Variants in ADAMTS18 observed in about 807,000 individuals in gnomAD.
ADAMTS18 encodes the protein ADAM metallopeptidase with thrombospondin type 1 motif 18, also known as A disintegrin and metalloproteinase with thrombospondin motifs 18.
ADAMTS18 carries 157 observed loss-of-function variants against 165.9 expected under a neutral mutation model. That is an observed-to-expected ratio of 0.95 (90% CI 0.83 to 1.08). The LOEUF (loss-of-function observed/expected upper bound fraction) is 1.08, where lower values mean the gene tolerates loss of function less well. ADAMTS18 is among the 50% of genes least tolerant of loss of function. The pLI is 0.00. For missense variants in ADAMTS18, 2,040 were observed against 1,534.0 expected, an observed-to-expected ratio of 1.33 and a Z score of -5.51; for synonymous variants, 782 against 578.2, an observed-to-expected ratio of 1.35 and a Z score of -5.06.
chr16:77,306,721 A>G (rs553264412), intron 16 of ADAMTS18, among the ~76,000 whole-genome samples: 1 of 152,328 alleles, frequency 6.6e-6, no homozygotes, highest in Admixed American at 6.5e-5. Flanking sequence ...AGTGCTTATT[A>G]TGTGCCAGGC....
chr16:77,415,446 G>T (rs1008766465), intron 3 of ADAMTS18, among the ~76,000 whole-genome samples: 6 of 152,166 alleles, frequency 3.9e-5, no homozygotes, highest in African/African-American at 1.4e-4. Context: ...CCTACTCTCA[G>T]GGGGCAAGAT....
rs926382835 is a variant in ADAMTS18 at position 77,327,097 on chromosome 16, T to C, written c.1860-1059A>G. On this transcript the variant is annotated intron_variant, in intron 12 of 22. Coordinates refer to ENST00000282849, the MANE Select transcript of ADAMTS18 (RefSeq NM_199355.4). ...CCACATTTCTTTATCCAGTCTGCTG[T>C]TGATGGGCATTCAGGTTGATTCCAT... is the stretch of plus-strand genomic sequence containing the variant. Among the ~76,000 whole-genome samples, 5 of 152,238 alleles carry C rather than the reference T, an allele frequency of 3.3e-5. No individual in the cohort carries two copies. In the South Asian group the frequency reaches 6.2e-4, roughly 19 times the overall value.
At chr16:77,321,049 TTAACAA>T in intron 15 of ADAMTS18, 24 bp downstream of exon 15, 2 of 1,614,096 alleles carry the variant, frequency 1.2e-6, no homozygotes, top group Non-Finnish European at 1.7e-6. Flanking sequence ...TTGTATCTCA[TTAACAA>T]TAACAAACAG....
chr16:77,391,595 G>A lies in ADAMTS18; in HGVS notation c.496-23872C>T, dbSNP rs1567535576. Reference sequence around the variant, plus strand: ...TTCCTAACAGAGTACCAATGGCCAGGAAGAGGGGGAAGAGTCATCCTAATG... The same window carrying A: ...TTCCTAACAGAGTACCAATGGCCAGAAAGAGGGGGAAGAGTCATCCTAATG... On this transcript the variant is annotated intron_variant, in intron 3 of 22. Transcript: ENST00000282849. Among the ~76,000 whole-genome samples, 4 of 152,218 alleles carry A rather than the reference G, an allele frequency of 2.6e-5. No homozygotes were observed. In the South Asian group the frequency reaches 6.2e-4, roughly 24 times the overall value.
At chr16:77,366,142 C>A (rs2056789881) in intron 4 of ADAMTS18, among the ~76,000 whole-genome samples, 1 of 136,422 alleles carries the variant, frequency 7.3e-6, no homozygotes, top group Non-Finnish European at 1.5e-5. Context: ...ATACCAGTTC[C>A]TCTTCTCCAT....
intron 3 of ADAMTS18, among the ~76,000 whole-genome samples, chr16:77,420,583 G>A (rs565726360): frequency 1.3e-5 from 2 of 152,148 alleles, no homozygotes; most frequent in Non-Finnish European, 2.9e-5. Flanking sequence ...ACAGACATTT[G>A]TTGTTTCACA....
At chr16:77,293,797 G>A (rs1452407547) in intron 19 of ADAMTS18, among the ~76,000 whole-genome samples, 1 of 149,062 alleles carries the variant, frequency 6.7e-6, no homozygotes, top group Non-Finnish European at 1.5e-5. Context: ...TCACAACAGG[G>A]TTCAAACTCC....
intron 12 of ADAMTS18, among the ~76,000 whole-genome samples, chr16:77,329,605 G>A (rs917245894): frequency 6.6e-6 from 1 of 152,092 alleles, no homozygotes; most frequent in African/African-American, 2.4e-5. Flanking sequence ...TTTGTATTGA[G>A]TACCCACCCT....
chr16:77,326,100 C>A, intron 12 of ADAMTS18, 62 bp from the exon 13 acceptor site: 1 of 1,503,254 alleles, frequency 6.7e-7, no homozygotes, highest in South Asian at 1.2e-5. Flanking sequence ...TAGTCACATG[C>A]AATAATATGA....
At chr16:77,310,427 T>C (rs1340419424) in intron 16 of ADAMTS18, among the ~76,000 whole-genome samples, 2 of 152,166 alleles carry the variant, frequency 1.3e-5, no homozygotes, top group African/African-American at 4.8e-5. Context: ...ATGAGGAAAC[T>C]GGGACCCTGA....
chr16:77,368,606 G>A (rs545908121), intron 3 of ADAMTS18, among the ~76,000 whole-genome samples: 3 of 151,672 alleles, frequency 2.0e-5, no homozygotes, highest in African/African-American at 2.4e-5. Flanking sequence ...TCAGAAATGC[G>A]GTCTATATTG....
At chr16:77,344,153 G>GTA (rs1427575027) in intron 10 of ADAMTS18, among the ~76,000 whole-genome samples, 10 of 126,442 alleles carry the variant, frequency 7.9e-5, no homozygotes, top group African/African-American at 2.3e-4. Flanking sequence ...GTATGTGTGT[G>GTA]TGTATATATA....
chr16:77,283,911 G>T lies in ADAMTS18; in HGVS notation c.*45C>A. 1.4e-6 allele frequency: 2 copies of T among 1,475,560 alleles called. No homozygotes were observed. The highest frequency in any genetic ancestry group is 1.9e-6 in the Non-Finnish European group (2 of 1,054,752). 91.4% of individuals were successfully genotyped at this position (1,475,560 alleles called of 1,614,324 possible). On this transcript the variant is annotated 3_prime_UTR_variant, in exon 23 of 23. Transcript: ENST00000282849. Reference sequence around the variant, plus strand: ...AAGGCAGCTGGTCTCTCTAGAGGTTGAAAGGTAAGCCCCTGGCCCTAAGGT... The same window carrying T: ...AAGGCAGCTGGTCTCTCTAGAGGTTTAAAGGTAAGCCCCTGGCCCTAAGGT...
intron 12 of ADAMTS18, among the ~76,000 whole-genome samples, chr16:77,333,911 T>C (rs2056233113): frequency 6.9e-6 from 1 of 145,370 alleles, no homozygotes; most frequent in African/African-American, 2.5e-5. Flanking sequence ...ATATATAGTG[T>C]CCTATATACT....
At chr16:77,412,747 A>C (rs1315435390) in intron 3 of ADAMTS18, among the ~76,000 whole-genome samples, 3 of 152,188 alleles carry the variant, frequency 2.0e-5, no homozygotes, top group South Asian at 4.1e-4. Flanking sequence ...AGACTTATTC[A>C]CTACCACAAG....
chr16:77,289,351 G>A lies in ADAMTS18; in HGVS notation c.3463C>T (p.Arg1155Trp), dbSNP rs143681049. ...TRSVHCVQQG[R>W]PSSSCLLHQK... ...TGGAGCAGACAACTTGAGGAAGGCC[G>A]GCCTTGCTGAACACAGTGGACTGAC... is the stretch of plus-strand genomic sequence containing the variant. Residue 1155 changes from arginine to tryptophan, a missense_variant, in exon 22 of 23, where the codon CGG becomes TGG. By Grantham distance (101) the Arg-to-Trp change is moderately radical. Transcript: ENST00000282849. The A allele has an allele frequency of 4.2e-4, 682 of 1,613,988 alleles. 1 individual carries two copies. The highest frequency in any genetic ancestry group is 5.4e-4 in the Non-Finnish European group (640 of 1,180,014).
intron 18 of ADAMTS18, among the ~76,000 whole-genome samples, chr16:77,296,572 C>T (rs757047234): frequency 8.5e-5 from 13 of 152,184 alleles, no homozygotes; most frequent in Non-Finnish European, 1.5e-4. Flanking sequence ...GCACCTCACG[C>T]CTGTAATGCC....
chr16:77,334,760 A>G (rs1196318281), intron 12 of ADAMTS18, among the ~76,000 whole-genome samples: 2 of 106,408 alleles, frequency 1.9e-5, no homozygotes, highest in South Asian at 2.8e-4. Flanking sequence ...ATACTATAGT[A>G]TACAGTATAT....
intron 12 of ADAMTS18, among the ~76,000 whole-genome samples, chr16:77,330,830 T>A (rs1175802472): frequency 6.6e-6 from 1 of 152,174 alleles, no homozygotes; most frequent in Non-Finnish European, 1.5e-5. Context: ...AACCTCACAC[T>A]GCTTCTCGGA....
Sources: gnomAD v4.1 joint callset for allele counts (sites outside exome capture counted in the v4.1 genomes callset) on GRCh38, gnomAD v4.1.1 for gene constraint, MANE v1.5 for transcripts, NCBI Gene and HGNC (gene_info 2026-07-23, HGNC 2026-07-21) for gene names.